Variants in CAMTA1 observed in about 807,000 individuals in gnomAD.
The protein encoded by CAMTA1 is calmodulin binding transcription activator 1.
In CAMTA1, 27 loss-of-function variants were observed where a neutral mutation model predicts 170.9. The observed-to-expected ratio is 0.16, with a 90% confidence interval of 0.12 to 0.22. The LOEUF is 0.22. Among genes scored for constraint, CAMTA1 ranks in the 10% least tolerant of loss-of-function variants. CAMTA1 has a pLI of 1.00. For synonymous variants in CAMTA1, 833 were observed against 891.5 expected, an observed-to-expected ratio of 0.93 and a Z score of 1.17; for missense variants, 1,619 against 2,217.2, an observed-to-expected ratio of 0.73 and a Z score of 5.42.
At position 7,173,579 on chromosome 1, in the gene CAMTA1, G is replaced by A. The variant is rs1178091196; in HGVS notation, c.303-75912G>A. The stretch of plus-strand genomic sequence containing the variant: ...ATTTTGTATTTTTAGTAGAGATGGG[G>A]TTTTTCCATGTTGGCCAGGCTGGTC... On this transcript the variant is annotated intron_variant, in intron 4 of 22. Coordinates refer to ENST00000303635, the MANE Select transcript of CAMTA1 (RefSeq NM_015215.4). This position sits in a 1 kb window ranked among gnomAD's most constrained non-coding sequence, Gnocchi z 5.4. Among the ~76,000 whole-genome samples, 1 of 152,150 alleles carries A rather than the reference G, an allele frequency of 6.6e-6. No individual in the cohort carries two copies. Among genetic ancestry groups the A allele is most frequent in the South Asian group, 2.1e-4 (1 of 4,808 alleles).
chr1:6,908,673 T>C (rs1219829025), intron 3 of CAMTA1, among the ~76,000 whole-genome samples: 2 of 152,328 alleles, frequency 1.3e-5, no homozygotes, highest in East Asian at 1.9e-4. Context: ...TTTAAAAATA[T>C]GCTTGGTTCA....
At chr1:7,600,205 G>T (rs985604477) in intron 6 of CAMTA1, among the ~76,000 whole-genome samples, 19 of 152,186 alleles carry the variant, frequency 1.2e-4, no homozygotes, top group African/African-American at 4.6e-4. Flanking sequence ...TAATCATGTG[G>T]TTTTTGTCGT....
chr1:6,939,087 T>C (rs1007053946), intron 3 of CAMTA1, among the ~76,000 whole-genome samples: 1 of 152,132 alleles, frequency 6.6e-6, no homozygotes, highest in African/African-American at 2.4e-5. Flanking sequence ...CCATGACCCA[T>C]AGGGCTGGCC....
At chr1:7,058,918 T>C (rs778174660) in intron 3 of CAMTA1, among the ~76,000 whole-genome samples, 9 of 152,168 alleles carry the variant, frequency 5.9e-5, no homozygotes, top group Non-Finnish European at 1.2e-4. Context: ...TTCTTTCCTG[T>C]TGGGTGTTTT....
At chr1:7,231,971 G>T (rs1008968133) in intron 4 of CAMTA1, among the ~76,000 whole-genome samples, 4 of 152,250 alleles carry the variant, frequency 2.6e-5, no homozygotes, top group African/African-American at 9.6e-5. Flanking sequence ...CAGCAGCAGG[G>T]ATGGCTCAGC....
chr1:7,334,433 C>A (rs2083224437), intron 5 of CAMTA1, among the ~76,000 whole-genome samples: 1 of 152,220 alleles, frequency 6.6e-6, no homozygotes, highest in South Asian at 2.1e-4. Flanking sequence ...GCAGTCAGTT[C>A]TTTTGGATGC....
At chr1:7,035,419 T>C (rs1703445421) in intron 3 of CAMTA1, among the ~76,000 whole-genome samples, 1 of 152,080 alleles carries the variant, frequency 6.6e-6, no homozygotes, top group Admixed American at 6.6e-5. Context: ...AAAAATCTTA[T>C]TTTGATTGCT....
Position 7,665,153 on chromosome 1 carries a change from G to A in CAMTA1, c.2606G>A (p.Arg869Gln), listed in dbSNP as rs755672826. ...GTLGMLQQSG[R>Q]VFMVTDYSPE... The stretch of plus-strand genomic sequence containing the variant: ...CTAGGCATGCTGCAGCAGAGCGGAC[G>A]GGTGTTCATGGTGACCGACTACTCC... Residue 869 changes from arginine to glutamine, a missense_variant, in exon 9 of 23, where the codon CGG becomes CAG. Arg to Gln is a conservative substitution (Grantham distance 43). Transcript: ENST00000303635. This position sits in a 1 kb window ranked among gnomAD's most constrained non-coding sequence, Gnocchi z 4.3. The A allele has an allele frequency of 3.9e-5, 59 of 1,499,612 alleles. No individual in the cohort carries two copies. The highest frequency in any genetic ancestry group is 2.0e-4 in the South Asian group (15 of 73,762). 92.9% of individuals were successfully genotyped at this position (1,499,612 alleles called of 1,614,324 possible).
At chr1:7,595,549 C>T (rs1358286787) in intron 6 of CAMTA1, among the ~76,000 whole-genome samples, 2 of 152,160 alleles carry the variant, frequency 1.3e-5, no homozygotes, top group African/African-American at 2.4e-5. Context: ...CCACGGAGCC[C>T]GGACACCGCC....
chr1:7,237,473 G>C (rs1284022937), intron 4 of CAMTA1, among the ~76,000 whole-genome samples: 2 of 152,194 alleles, frequency 1.3e-5, no homozygotes, highest in African/African-American at 4.8e-5. Context: ...GTGGGGGTTT[G>C]AGGGAGAGGG....
intron 2 of CAMTA1, among the ~76,000 whole-genome samples, 163 bp downstream of exon 2, chr1:6,820,413 G>A (rs1646352621): frequency 6.6e-6 from 1 of 152,010 alleles, no homozygotes; most frequent in African/African-American, 2.4e-5. Context: ...ATCCTTCTGG[G>A]GTAGCAAAAA....
chr1:7,690,660 A>G (rs2096300332), intron 11 of CAMTA1, among the ~76,000 whole-genome samples: 1 of 152,224 alleles, frequency 6.6e-6, no homozygotes, highest in South Asian at 2.1e-4. Context: ...CTGCACATGC[A>G]CCACCTGCCA....
chr1:7,166,269 T>C (rs1025727767), intron 4 of CAMTA1, among the ~76,000 whole-genome samples: 1 of 152,190 alleles, frequency 6.6e-6, no homozygotes, highest in African/African-American at 2.4e-5. Context: ...GGTTTCACCA[T>C]GTTAGCCAGG....
At position 7,080,355 on chromosome 1, in the gene CAMTA1, A is replaced by G. The variant is rs759308731; in HGVS notation, c.235-10949A>G. Among the ~76,000 whole-genome samples, 8 of 152,208 alleles carry G rather than the reference A, an allele frequency of 5.3e-5. 1 individual carries two copies. The highest frequency in any genetic ancestry group is 1.3e-4 in the Admixed American group (2 of 15,284). On this transcript the variant is annotated intron_variant, in intron 3 of 22. Coordinates refer to ENST00000303635, the MANE Select transcript of CAMTA1 (RefSeq NM_015215.4). ...ATATTCCTCCAGTGCCTTTCAAACT[A>G]TGATCTGGCTGGCATCTAGGAAACT...
intron 4 of CAMTA1, among the ~76,000 whole-genome samples, chr1:7,204,161 C>T (rs184501973): frequency 1.1e-3 from 161 of 152,076 alleles, no homozygotes; most frequent in African/African-American, 3.8e-3. Flanking sequence ...TTTCTATTCT[C>T]ACGTCATTAA....
rs112268253 is a variant in CAMTA1 at position 7,231,350 on chromosome 1, T to TGTGTGTGA, written c.303-18140_303-18139insTGTGTGAG. Among the ~76,000 whole-genome samples the TGTGTGTGA allele has an allele frequency of 1.4e-3, 202 of 141,184 alleles. 2 individuals are homozygous for TGTGTGTGA. The highest frequency in any genetic ancestry group is 5.1e-3 in the African/African-American group (192 of 37,566). The allele number at this position is 141,184 out of a possible 152,430, so 92.6% of individuals were successfully genotyped here. On this transcript the variant is annotated intron_variant, in intron 4 of 22. Coordinates refer to ENST00000303635, the MANE Select transcript of CAMTA1 (RefSeq NM_015215.4). Reference sequence around the variant, plus strand: ...TAATGTGTGTGTGTGTGTGTGTGTGTGAGAGAGAGAGAGAGAGAGAGAGGT... The same window carrying TGTGTGTGA: ...TAATGTGTGTGTGTGTGTGTGTGTGTGTGTGTGAGAGAGAGAGAGAGAGAGAGAGAGGT...
At chr1:7,172,839 G>A (rs964346339) in intron 4 of CAMTA1, among the ~76,000 whole-genome samples, 7 of 152,202 alleles carry the variant, frequency 4.6e-5, no homozygotes, top group Admixed American at 2.0e-4. Flanking sequence ...GGGCAGTGAC[G>A]CAAATGCACG....
At chr1:7,021,075 C>T (rs561236242) in intron 3 of CAMTA1, among the ~76,000 whole-genome samples, 8 of 152,308 alleles carry the variant, frequency 5.3e-5, no homozygotes, top group Non-Finnish European at 8.8e-5. Flanking sequence ...GGGACCTGCC[C>T]GGGGGCTCCA....
In CAMTA1 at chr1:7,745,794, T is replaced by C. The variant is rs1218233407; in HGVS notation, c.4371-51T>C. On this transcript the variant is annotated intron_variant, in intron 17 of 22. Coordinates refer to ENST00000303635, the MANE Select transcript of CAMTA1 (RefSeq NM_015215.4). ...GGCTCATTCATTAATATCTAATGGG[T>C]GGTGCAAATCAATCATTAATCTGTC... 1.9e-6 allele frequency: 3 copies of C among 1,607,624 alleles called. No individual in the cohort carries two copies. In the East Asian group the frequency reaches 6.7e-5, roughly 36 times the overall value.
Sources: allele counts gnomAD v4.1 joint callset (sites outside exome capture counted in the v4.1 genomes callset), GRCh38; gene constraint gnomAD v4.1.1; non-coding constraint Gnocchi (gnomAD v3.1); transcripts MANE v1.5; gene names NCBI Gene and HGNC (gene_info 2026-07-23, HGNC 2026-07-21).